SRFBP1: variants seen among roughly 807,000 people sequenced by gnomAD.
SRFBP1 encodes the protein serum response factor-binding protein 1.
Under a neutral mutation model 45.5 loss-of-function variants are expected in SRFBP1, and 47 were observed. The ratio of observed to expected loss-of-function variants is 1.03; its 90% CI spans 0.82 to 1.32. SRFBP1 has a LOEUF of 1.32. Among genes scored for constraint, SRFBP1 ranks in the 40% most tolerant of loss-of-function variants. The pLI is 0.00. For synonymous variants in SRFBP1, 203 were observed against 166.3 expected (o/e 1.22, Z -1.70); for missense variants, 621 against 484.6 (o/e 1.28, Z -2.64).
downstream of SRFBP1, among the ~76,000 whole-genome samples, chr5:122,029,030 A>G (rs1041174305): frequency 2.6e-5 from 4 of 152,166 alleles, no homozygotes; most frequent in African/African-American, 7.2e-5. Context: ...TGGGTCTACA[A>G]GAGCCATTAG....
chr5:122,074,278 T>G (rs1268773067), intron 2 of SRFBP1: 1 of 880,392 alleles, frequency 1.1e-6, no homozygotes, highest in Non-Finnish European at 1.7e-6. Flanking sequence ...CACATTAAAA[T>G]TGAGACCAAA....
chr5:122,020,340 A>T lies in SRFBP1; in HGVS notation c.605A>T (p.Asn202Ile), dbSNP rs1399768322. The T allele has an allele frequency of 6.2e-7, 1 of 1,614,040 alleles. No homozygotes were observed. Among genetic ancestry groups the T allele is most frequent in the South Asian group, 1.1e-5 (1 of 91,060 alleles). ...GGACCTAAAGCAGTGACTATTGCAAATTCTCCATCAAAGCCTTCAGAAAAG... is the reference window on the plus strand; with the variant it reads ...GGACCTAAAGCAGTGACTATTGCAATTTCTCCATCAAAGCCTTCAGAAAAG... ...EHGPKAVTIA[N>I]SPSKPSEKDS... The change falls in exon 6 of 8, where the codon AAT (asparagine) becomes ATT (isoleucine). Residue 202 changes from asparagine (N) to isoleucine (I), a missense_variant. Asn to Ile is a moderately radical substitution (Grantham distance 149). Transcript: ENST00000339397.
chr5:122,033,481 C>G (rs1561599798), downstream of SRFBP1, among the ~76,000 whole-genome samples: 1 of 146,514 alleles, frequency 6.8e-6, no homozygotes, highest in African/African-American at 2.5e-5. Context: ...TGTGCTTCTG[C>G]TTTTTTTTTT....
downstream of SRFBP1, among the ~76,000 whole-genome samples, chr5:122,028,989 T>C (rs373554266): frequency 2.0e-5 from 3 of 152,188 alleles, no homozygotes; most frequent in South Asian, 6.2e-4. Context: ...TAGAATCAGA[T>C]GGTCATTTTG....
chr5:121,993,436 TGTTA>T (rs1158330411), intron 3 of SRFBP1, among the ~76,000 whole-genome samples: 1 of 152,160 alleles, frequency 6.6e-6, no homozygotes, highest in African/African-American at 2.4e-5. Context: ...ATTGATTTTG[TGTTA>T]GTTTTTCATG....
chr5:122,031,088 C>G (rs1219593445), downstream of SRFBP1, among the ~76,000 whole-genome samples: 1 of 152,170 alleles, frequency 6.6e-6, no homozygotes, highest in African/African-American at 2.4e-5. Context: ...TGTGCCCCAA[C>G]ACACAGAGTC....
intron 3 of SRFBP1, among the ~76,000 whole-genome samples, chr5:121,987,548 T>C (rs1752542151): frequency 6.6e-6 from 1 of 152,172 alleles, no homozygotes; most frequent in African/African-American, 2.4e-5. Context: ...CTCTCACTCT[T>C]ACAAGTTATT....
chr5:121,975,271 A>G, intron 2 of SRFBP1, 44 bp from the exon 3 acceptor site: 3 of 1,595,774 alleles, frequency 1.9e-6, no homozygotes, highest in Non-Finnish European at 2.6e-6. Context: ...TAAGTCTAAA[A>G]TTAATGCTTT....
At chr5:122,026,412 G>A (rs546817249) in intron 7 of SRFBP1, among the ~76,000 whole-genome samples, 11 of 152,328 alleles carry the variant, frequency 7.2e-5, no homozygotes, top group African/African-American at 2.6e-4. Flanking sequence ...AGTAGACTTA[G>A]TACTATTTGC....
intron 4 of SRFBP1, among the ~76,000 whole-genome samples, chr5:122,006,809 AATTT>A (rs1464607622): frequency 5.9e-5 from 9 of 151,458 alleles, no homozygotes; most frequent in Non-Finnish European, 1.0e-4. Context: ...TTATATTATT[AATTT>A]GTTTCTGAAT....
At chr5:122,029,797 GT>G (rs1266317846), downstream of SRFBP1, among the ~76,000 whole-genome samples, 1 of 152,062 alleles carries the variant, frequency 6.6e-6, no homozygotes, top group African/African-American at 2.4e-5. Flanking sequence ...TTTCCTAGTT[GT>G]TTAATATAGA....
At position 121,994,663 on chromosome 5, in the gene SRFBP1, T is replaced by C. The variant is rs764100524; in HGVS notation, c.263T>C (p.Phe88Ser). 7.6e-6 allele frequency: 12 copies of C among 1,586,946 alleles called. No homozygotes were observed. The South Asian group carries it at 1.4e-4, about 18-fold the overall frequency. ...GATGATATCAACTTTGAAAAAATCT[T>C]CAAAAAGGTATATCTGCAATAGATT... is the stretch of plus-strand genomic sequence containing the variant. ...LGDDINFEKI[F>S]KKPDSTATER... is the part of the protein sequence containing the mutation. The change falls in exon 4 of 8, where the codon TTC (phenylalanine) becomes TCC (serine). Residue 88 changes from phenylalanine to serine, a missense_variant. By Grantham distance (155) the Phe-to-Ser change is radical. Coordinates refer to ENST00000339397, the MANE Select transcript of SRFBP1 (RefSeq NM_152546.3).
At chr5:122,022,171 T>C (rs572970226) in intron 6 of SRFBP1, among the ~76,000 whole-genome samples, 199 bp from the exon 7 acceptor site, 9 of 152,304 alleles carry the variant, frequency 5.9e-5, no homozygotes, top group African/African-American at 2.2e-4. Flanking sequence ...CATGTGTCTG[T>C]AGTAACACTG....
At chr5:121,975,627 A>T (rs1364607040) in intron 3 of SRFBP1, among the ~76,000 whole-genome samples, 1 of 151,982 alleles carries the variant, frequency 6.6e-6, no homozygotes, top group Non-Finnish European at 1.5e-5. Context: ...AATTGTGCCA[A>T]ACTAAATTCA....
intron 7 of SRFBP1, among the ~76,000 whole-genome samples, chr5:122,024,788 A>G (rs1304815511): frequency 6.6e-6 from 1 of 152,232 alleles, no homozygotes; most frequent in Non-Finnish European, 1.5e-5. Flanking sequence ...CAATGAGACT[A>G]TCCAAATAAA....
intron 2 of SRFBP1, among the ~76,000 whole-genome samples, chr5:122,048,201 T>G (rs2152576255): frequency 6.6e-6 from 1 of 152,318 alleles, no homozygotes; most frequent in South Asian, 2.1e-4. Flanking sequence ...ATAGCTCTTA[T>G]TATTTTGAGA....
At chr5:122,019,090 T>A (rs891808190) in intron 4 of SRFBP1, among the ~76,000 whole-genome samples, 170 bp from the exon 5 acceptor site, 3 of 152,190 alleles carry the variant, frequency 2.0e-5, no homozygotes, top group Admixed American at 6.5e-5. Flanking sequence ...CAGGATGATC[T>A]TTGTCTTTAG....
At chr5:122,019,984 G>T in intron 5 of SRFBP1, 104 bp from the exon 6 acceptor site, 1 of 677,830 alleles carries the variant, frequency 1.5e-6, no homozygotes, top group South Asian at 2.9e-5. Context: ...AATTCCAACT[G>T]CCCTCTTAAA....
At chr5:121,992,899 T>C (rs921973194) in intron 3 of SRFBP1, among the ~76,000 whole-genome samples, 26 of 152,192 alleles carry the variant, frequency 1.7e-4, no homozygotes, top group African/African-American at 5.8e-4. Flanking sequence ...AATGAGCTTT[T>C]TAAAAATTTT....
Sources: gnomAD v4.1 joint callset for allele counts (sites outside exome capture counted in the v4.1 genomes callset) on GRCh38, gnomAD v4.1.1 for gene constraint, MANE v1.5 for transcripts, NCBI Gene and HGNC (gene_info 2026-07-23, HGNC 2026-07-21) for gene names.